ATAD2: variants seen among roughly 807,000 people sequenced by gnomAD.
ATAD2 encodes ATPase family AAA domain-containing protein 2.
Under a neutral mutation model 168.9 loss-of-function variants are expected in ATAD2, and 62 were observed. That is an observed-to-expected ratio of 0.37 (90% confidence interval 0.30 to 0.45). The LOEUF is 0.45. Ranked by LOEUF, ATAD2 falls within the 20% of genes least tolerant of loss-of-function variation. ATAD2 has a pLI of 1.00. For synonymous variants in ATAD2, 613 were observed against 571.6 expected (o/e 1.07, Z -1.03); for missense variants, 1,419 against 1,667.8 (o/e 0.85, Z 2.60).
chr8:123,416,055 C>G (rs1339184516), intron 1 of ATAD2, among the ~76,000 whole-genome samples: 1 of 152,020 alleles, frequency 6.6e-6, no homozygotes, highest in African/African-American at 2.4e-5. Context: ...CCAATAGCTA[C>G]AGGCCTTCCA....
intron 20 of ATAD2, among the ~76,000 whole-genome samples, chr8:123,338,892 C>A (rs935081352): frequency 1.3e-5 from 2 of 151,630 alleles, no homozygotes; most frequent in Non-Finnish European, 2.9e-5. Flanking sequence ...GACCCTGTCT[C>A]AAAAAATAAA....
intron 17 of ATAD2, 116 bp downstream of exon 17, chr8:123,346,502 A>T: frequency 9.0e-7 from 1 of 1,110,680 alleles, no homozygotes. Context: ...AATTTCTGGT[A>T]GTTTAATTTA....
chr8:123,326,654 G>A (rs1827624601), intron 25 of ATAD2, among the ~76,000 whole-genome samples: 1 of 152,072 alleles, frequency 6.6e-6, no homozygotes, highest in East Asian at 1.9e-4. Flanking sequence ...ATCCAGCCTG[G>A]ATGACAGAGC....
Position 123,412,365 on chromosome 8 carries a change from G to A in ATAD2, c.-2282+3883C>T, listed in dbSNP as rs182340460. Reference sequence around the variant, plus strand: ...AACAAGGATTTATGCCAACTACAATGCTTACACCCTGCTCAGAGCTATGTG... The same window carrying A: ...AACAAGGATTTATGCCAACTACAATACTTACACCCTGCTCAGAGCTATGTG... On this transcript the variant is annotated intron_variant, in intron 1 of 28. Transcript: ENST00000521903. Among the ~76,000 whole-genome samples the A allele has an allele frequency of 2.0e-5, 3 of 152,232 alleles. No individual in the cohort carries two copies. In the East Asian group the frequency reaches 5.8e-4, roughly 29 times the overall value.
At chr8:123,414,948 T>C (rs1301781357) in intron 1 of ATAD2, among the ~76,000 whole-genome samples, 1 of 152,240 alleles carries the variant, frequency 6.6e-6, no homozygotes, top group Admixed American at 6.5e-5. Context: ...TTGTTGCCTG[T>C]GTACCTTGTT....
At chr8:123,377,176 A>G (rs1219904655) in intron 2 of ATAD2, among the ~76,000 whole-genome samples, 1 of 147,076 alleles carries the variant, frequency 6.8e-6, no homozygotes, top group African/African-American at 2.5e-5. Context: ...TGGGAGGACC[A>G]CTGGATCACT....
intron 1 of ATAD2, among the ~76,000 whole-genome samples, chr8:123,389,990 T>A (rs1424046609): frequency 0.029 from 1,988 of 68,304 alleles, 40 homozygotes; most frequent in Middle Eastern, 0.075. Context: ...ATATATTTTT[T>A]TTTTTTTAGA....
chr8:123,402,156 C>T lies in ATAD2; in HGVS notation c.-2281-981G>A. ...TGGAGGGGGCACCCCCCAGTGTCCA[C>T]CTTCGGGCATAGCCTCCCTCCATCA... On this transcript the variant is annotated intron_variant, in intron 1 of 28. Transcript: ENST00000521903. The surrounding 1 kb of genome is among the most constrained non-coding windows in gnomAD (Gnocchi z 4.8). 1 of 709,700 alleles carries T rather than the reference C, an allele frequency of 1.4e-6. No homozygotes were observed. The highest frequency in any genetic ancestry group is 2.0e-5 in the Admixed American group (1 of 49,624). 44.0% of individuals were successfully genotyped at this position (709,700 alleles called of 1,614,324 possible).
chr8:123,325,293 TA>T (rs1225623942), intron 26 of ATAD2, among the ~76,000 whole-genome samples: 1 of 146,440 alleles, frequency 6.8e-6, no homozygotes, highest in Non-Finnish European at 1.5e-5. Context: ...TTTATTTATT[TA>T]TTTTTTTTTT....
chr8:123,403,398 C>A (rs1813031915), intron 1 of ATAD2, among the ~76,000 whole-genome samples: 1 of 151,216 alleles, frequency 6.6e-6, no homozygotes, highest in African/African-American at 2.4e-5. Context: ...CTGCGCCCAG[C>A]CAGGAGGGTT....
At chr8:123,396,123 G>A (rs1461214282) in intron 1 of ATAD2, 64 bp downstream of exon 1, 1 of 1,472,824 alleles carries the variant, frequency 6.8e-7, no homozygotes. Context: ...GCCCCTCCGA[G>A]CGCCGGGCTG....
chr8:123,328,408 T>C lies in ATAD2; in HGVS notation c.3650A>G (p.Asn1217Ser). The C allele has an allele frequency of 6.3e-7, 1 of 1,593,258 alleles. No individual in the cohort carries two copies. Among genetic ancestry groups the C allele is most frequent in the Non-Finnish European group, 8.5e-7 (1 of 1,170,678 alleles). The change falls in exon 25 of 28, where the codon AAC becomes AGC. Residue 1217 changes from asparagine (N) to serine (S), a missense_variant. By Grantham distance (46) the Asn-to-Ser change is conservative (BLOSUM62 1). Around this residue, in one of 5 missense-constraint regions of ATAD2, gnomAD observed 303 missense variants for 304.3 expected, o/e 1.00. Coordinates refer to ENST00000287394, the MANE Select transcript of ATAD2 (RefSeq NM_014109.4). ...TTCTTCCACCGAAGACTCTCCTGTG[T>C]TTCCGGTCTCATTATGATCTACACT... is the stretch of plus-strand genomic sequence containing the variant. ...DTSVDHNETG[N>S]TGESSVEENE...
At chr8:123,378,229 A>G (rs991299166) in intron 2 of ATAD2, among the ~76,000 whole-genome samples, 4 of 152,214 alleles carry the variant, frequency 2.6e-5, no homozygotes, top group African/African-American at 9.6e-5. Context: ...AAACATTGTC[A>G]TGTAATTGCT....
intron 5 of ATAD2, 120 bp from the exon 6 acceptor site, chr8:123,371,110 A>G: frequency 9.2e-7 from 1 of 1,086,592 alleles, no homozygotes; most frequent in Non-Finnish European, 1.3e-6. Flanking sequence ...TTACATTTCC[A>G]GCAGTAACTA....
chr8:123,334,566 T>C (rs1348649265), intron 22 of ATAD2, among the ~76,000 whole-genome samples: 5 of 152,036 alleles, frequency 3.3e-5, no homozygotes, highest in African/African-American at 7.3e-5. Flanking sequence ...TCAGATCCCT[T>C]TGAAATATCA....
chr8:123,350,026 AAAAG>A (rs1828401237), intron 13 of ATAD2, among the ~76,000 whole-genome samples: 1 of 152,142 alleles, frequency 6.6e-6, no homozygotes, highest in Non-Finnish European at 1.5e-5. Context: ...AAAAAAATAA[AAAAG>A]AAAAGAAAAA....
chr8:123,404,471 G>A (rs997371626), intron 1 of ATAD2, among the ~76,000 whole-genome samples: 1 of 151,968 alleles, frequency 6.6e-6, no homozygotes, highest in Admixed American at 6.6e-5. Context: ...TTCTTGGCTT[G>A]TAGGAGTGTA....
chr8:123,339,553 T>C (rs1563838210), intron 19 of ATAD2, 107 bp from the exon 20 acceptor site: 6 of 1,047,456 alleles, frequency 5.7e-6, no homozygotes, highest in South Asian at 1.6e-5. Context: ...GAAAGTGACA[T>C]GTATTCAGTA....
chr8:123,334,158 ATAATAT>A (rs1827853035), intron 23 of ATAD2, 36 bp downstream of exon 23: 2 of 1,548,584 alleles, frequency 1.3e-6, no homozygotes, highest in Middle Eastern at 1.7e-4. Flanking sequence ...AAATTCATTG[ATAATAT>A]TAGGTTGGTA....
Sources: allele counts gnomAD v4.1 joint callset (sites outside exome capture counted in the v4.1 genomes callset), GRCh38; gene constraint gnomAD v4.1.1; regional missense constraint gnomAD v4.1.1; non-coding constraint Gnocchi (gnomAD v3.1); transcripts MANE v1.5; gene names NCBI Gene and HGNC (gene_info 2026-07-23, HGNC 2026-07-21).